NCAPG: variants seen among roughly 807,000 people sequenced by gnomAD.
NCAPG encodes non-SMC condensin I complex subunit G.
In NCAPG, 69 loss-of-function variants were observed where a neutral mutation model predicts 113.1. The observed-to-expected ratio is 0.61, with a 90% CI of 0.50 to 0.75. The LOEUF is 0.75. NCAPG is among the 30% of genes least tolerant of loss of function. NCAPG has a pLI of 0.00. For synonymous variants in NCAPG, 370 were observed against 415.8 expected (o/e 0.89, Z 1.34); for missense variants, 1,058 against 1,177.0 (o/e 0.90, Z 1.48).
At chr4:17,830,552 A>ATTTTT (rs1721824477) in intron 12 of NCAPG, among the ~76,000 whole-genome samples, 1 of 126,040 alleles carries the variant, frequency 7.9e-6, no homozygotes. Flanking sequence ...GACTAGTTTC[A>ATTTTT]CTTTTTTTTT....
At chr4:17,819,488 G>A (rs1380883403) in intron 7 of NCAPG, among the ~76,000 whole-genome samples, 1 of 151,118 alleles carries the variant, frequency 6.6e-6, no homozygotes, top group Non-Finnish European at 1.5e-5. Context: ...TGCATCCTCC[G>A]CCTCCCGGGT....
At position 17,825,561 on chromosome 4, in the gene NCAPG, G is replaced by C. The variant is rs549173782; in HGVS notation, c.1653G>C (p.Lys551Asn). 2 of 1,577,314 alleles carry C rather than the reference G, an allele frequency of 1.3e-6. No homozygotes were observed. The highest frequency in any genetic ancestry group is 8.5e-7 in the Non-Finnish European group (1 of 1,169,982). The change falls in exon 11 of 21, where the codon AAG (lysine) becomes AAC (asparagine). Residue 551 changes from lysine to asparagine, a missense_variant and splice_region_variant. Coordinates refer to ENST00000251496, the MANE Select transcript of NCAPG (RefSeq NM_022346.5). ...AAATTAAAGAAGTCCACATAGAGAA[G>C]GTACAGGTAACTTTTTTCATACTAA... ...QLEIKEVHIE[K>N]NDAETLQKCL...
At chr4:17,815,725 T>C (rs1721176380) in intron 5 of NCAPG, among the ~76,000 whole-genome samples, 1 of 152,146 alleles carries the variant, frequency 6.6e-6, no homozygotes. Context: ...GGTTTCACCA[T>C]GTTGGCCAGA....
At chr4:17,815,051 T>C in intron 4 of NCAPG, 53 bp downstream of exon 4, 5 of 1,595,864 alleles carry the variant, frequency 3.1e-6, no homozygotes, top group Non-Finnish European at 4.3e-6. Context: ...CAAGGAGCCA[T>C]TTTCTTAAAG....
intron 16 of NCAPG, among the ~76,000 whole-genome samples, chr4:17,838,601 G>C (rs1321583531): frequency 6.6e-6 from 1 of 152,148 alleles, no homozygotes; most frequent in Non-Finnish European, 1.5e-5. Flanking sequence ...GGTTTGGGTA[G>C]AGGAAGGATG....
At chr4:17,813,734 A>G (rs1400742624) in intron 3 of NCAPG, among the ~76,000 whole-genome samples, 1 of 152,128 alleles carries the variant, frequency 6.6e-6, no homozygotes, top group Admixed American at 6.5e-5. Context: ...TGTCAAAAAT[A>G]TAAATCTCTG....
chr4:17,828,200 A>T, intron 11 of NCAPG, 78 bp from the exon 12 acceptor site: 1 of 947,722 alleles, frequency 1.1e-6, no homozygotes, highest in Non-Finnish European at 1.6e-6. Flanking sequence ...TATGCCCTAC[A>T]CAAAGCCCTG....
At position 17,823,036 on chromosome 4, in the gene NCAPG, A is replaced by G. The variant is rs201946143; in HGVS notation, c.1172A>G (p.Tyr391Cys). ...GAAGAACACAGAGGTGATTTTTCCT[A>G]TATTGGAAATTTGATGACAAAAGAA... ...VNEEHRGDFS[Y>C]IGNLMTKEFI... is the part of the protein sequence containing the mutation. The change falls in exon 8 of 21, where the codon TAT (tyrosine) becomes TGT (cysteine). Residue 391 changes from tyrosine to cysteine, a missense_variant. Coordinates refer to ENST00000251496, the MANE Select transcript of NCAPG (RefSeq NM_022346.5). 104 of 1,608,842 alleles carry G rather than the reference A, an allele frequency of 6.5e-5. No individual in the cohort carries two copies. The highest frequency in any genetic ancestry group is 2.2e-5 in the East Asian group (1 of 44,470).
Position 17,837,269 on chromosome 4 carries a change from T to C in NCAPG, c.2220T>C (p.Pro740=). ...LSRLILLWYN[P]VTEEDVQLRH... Reference sequence around the variant, plus strand: ...GTCTTATTTTGTTATGGTACAATCCTGTGACTGAAGAGGATGTTCAACTTC... The same window carrying C: ...GTCTTATTTTGTTATGGTACAATCCCGTGACTGAAGAGGATGTTCAACTTC... Residue 740 remains proline, a synonymous_variant, in exon 15 of 21, where the codon CCT becomes CCC. Transcript: ENST00000251496. 5 of 1,613,984 alleles carry C rather than the reference T, an allele frequency of 3.1e-6. No individual in the cohort carries two copies. The highest frequency in any genetic ancestry group is 4.2e-6 in the Non-Finnish European group (5 of 1,179,924).
chr4:17,818,172 TG>T, intron 7 of NCAPG, 84 bp downstream of exon 7: 7 of 1,407,324 alleles, frequency 5.0e-6, no homozygotes, highest in Non-Finnish European at 6.7e-6. Context: ...AAGTCATGTT[TG>T]ATTGTGAATA....
chr4:17,825,021 T>C lies in NCAPG; in HGVS notation c.1437T>C (p.Asn479=), dbSNP rs1721604724. Residue 479 remains asparagine, a synonymous_variant, in exon 10 of 21, where the codon AAT becomes AAC. Coordinates refer to ENST00000251496, the MANE Select transcript of NCAPG (RefSeq NM_022346.5). ...IRAPIVTVGV[N]NDPADVRKKE... is the part of the protein sequence containing the mutation. ...CGCCCATTGTTACTGTTGGTGTTAATAACGATCCAGCTGATGTAAGAAAGA... is the reference window on the plus strand; with the variant it reads ...CGCCCATTGTTACTGTTGGTGTTAACAACGATCCAGCTGATGTAAGAAAGA... The C allele has an allele frequency of 1.9e-6, 3 of 1,612,940 alleles. No homozygotes were observed. Among genetic ancestry groups the C allele is most frequent in the Non-Finnish European group, 2.5e-6 (3 of 1,179,348 alleles).
chr4:17,821,805 T>C (rs538226622), intron 7 of NCAPG, among the ~76,000 whole-genome samples: 1 of 152,142 alleles, frequency 6.6e-6, no homozygotes. Flanking sequence ...TGATCAGGAT[T>C]GTTTTTCATG....
chr4:17,843,458 A>G lies in NCAPG; in HGVS notation c.*33A>G. The G allele has an allele frequency of 6.2e-7, 1 of 1,602,022 alleles. No homozygotes were observed. Among genetic ancestry groups the G allele is most frequent in the East Asian group, 2.2e-5 (1 of 44,650 alleles). ...GATGGAGGTGGAATCCTTTAAGATT[A>G]TGTCCAGTTATTTGCTTTAATAAAG... On this transcript the variant is annotated 3_prime_UTR_variant, in exon 21 of 21. Coordinates refer to ENST00000251496, the MANE Select transcript of NCAPG (RefSeq NM_022346.5).
At position 17,822,951 on chromosome 4, in the gene NCAPG, A is replaced by G. The variant is rs752325865; in HGVS notation, c.1119-32A>G. On this transcript the variant is annotated intron_variant, in intron 7 of 20. Coordinates refer to ENST00000251496, the MANE Select transcript of NCAPG (RefSeq NM_022346.5). ...CAACTCTTGTTTGATGTTTCTTAAA[A>G]GATTCTACTTTATTAATTCTGCTTG... The G allele has an allele frequency of 2.6e-6, 4 of 1,539,548 alleles. No homozygotes were observed. The African/African-American group carries it at 4.2e-5, about 16-fold the overall frequency.
Position 17,811,173 on chromosome 4 carries a change from C to T in NCAPG, c.96C>T (p.Ser32=), listed in dbSNP as rs16895792. 0.034 allele frequency: 50,640 copies of T among 1,485,844 alleles called. 1,232 individuals are homozygous for T. The highest frequency in any genetic ancestry group is 0.14 in the East Asian group (4,799 of 35,308). The allele number at this position is 1,485,844 out of a possible 1,614,324, so 92.0% of individuals were successfully genotyped here. The part of the protein sequence containing the change: ...QNQAKLVVAL[S]RTYRTMDDKT... ...AGGCGAAGCTGGTGGTGGCGCTGAGCCGCACCTACCGCACGGTAAGCGCTC... is the reference window on the plus strand; with the variant it reads ...AGGCGAAGCTGGTGGTGGCGCTGAGTCGCACCTACCGCACGGTAAGCGCTC... Residue 32 remains serine, a synonymous_variant, in exon 1 of 21, where the codon AGC becomes AGT. Coordinates refer to ENST00000251496, the MANE Select transcript of NCAPG (RefSeq NM_022346.5). The surrounding 1 kb of genome is among the most constrained non-coding windows in gnomAD (Gnocchi z 5.3).
chr4:17,815,739 G>T (rs980601996), intron 5 of NCAPG, among the ~76,000 whole-genome samples: 45 of 152,110 alleles, frequency 3.0e-4, no homozygotes, highest in African/African-American at 1.1e-3. Flanking sequence ...GGCCAGACTG[G>T]TCTCGAACTC....
rs781610639 is a variant in NCAPG, at chr4:17,843,356, A to G, written c.2979A>G (p.Arg993=). ...ESEMKMRLPR[R]AKTAALEKSK... Reference sequence around the variant, plus strand: ...AAATGAAGATGAGACTACCAAGACGAGCCAAAACCGCAGCACTAGAAAAAA... The same window carrying G: ...AAATGAAGATGAGACTACCAAGACGGGCCAAAACCGCAGCACTAGAAAAAA... Residue 993 remains arginine, a synonymous_variant, in exon 21 of 21, where the codon CGA becomes CGG. Transcript: ENST00000251496. The G allele has an allele frequency of 1.9e-6, 3 of 1,612,288 alleles. No homozygotes were observed. Among genetic ancestry groups the G allele is most frequent in the Non-Finnish European group, 2.5e-6 (3 of 1,178,496 alleles).
Position 17,813,075 on chromosome 4 carries a change from G to C in NCAPG, c.474G>C (p.Val158=). The change falls in exon 3 of 21, where the codon GTG becomes GTC. Residue 158 remains valine, a synonymous_variant. Coordinates refer to ENST00000251496, the MANE Select transcript of NCAPG (RefSeq NM_022346.5). ...GATTGAAAGATAAGATTCCAAATGT[G>C]AGAATACAGGCAGTTCTGGCGCTTT... ...LIRLKDKIPN[V]RIQAVLALSR... is the part of the protein sequence containing the mutation. The C allele has an allele frequency of 6.2e-7, 1 of 1,614,010 alleles. No individual in the cohort carries two copies. The highest frequency in any genetic ancestry group is 2.2e-5 in the East Asian group (1 of 44,858).
At chr4:17,825,142 A>G (rs1721611682) in intron 10 of NCAPG, 85 bp downstream of exon 10, 2 of 1,004,708 alleles carry the variant, frequency 2.0e-6, no homozygotes, top group South Asian at 3.0e-5. Flanking sequence ...CAGTTCTGAA[A>G]TGTTTCTCAC....
Sources: gnomAD v4.1 joint callset for allele counts (sites outside exome capture counted in the v4.1 genomes callset) on GRCh38, gnomAD v4.1.1 for gene constraint, Gnocchi (gnomAD v3.1) non-coding constraint, MANE v1.5 for transcripts, NCBI Gene and HGNC (gene_info 2026-07-23, HGNC 2026-07-21) for gene names.